The following ZC3H12B variants were observed in gnomAD, a reference collection of about 807,000 sequenced individuals.
The protein encoded by ZC3H12B is probable ribonuclease ZC3H12B.
Under a neutral mutation model 43.9 loss-of-function variants are expected in ZC3H12B, and 7 were observed. The observed-to-expected ratio is 0.16, with a 90% CI of 0.09 to 0.30. The LOEUF (loss-of-function observed/expected upper bound fraction) is 0.30, where lower values mean the gene tolerates loss of function less well. ZC3H12B is among the 10% of genes least tolerant of loss of function. The probability of loss-of-function intolerance (pLI) is 1.00; values close to 1 mark genes in which losing one functional copy is unlikely to be tolerated. For missense variants in ZC3H12B, 475 were observed against 670.2 expected, an observed-to-expected ratio of 0.71 and a Z score of 3.22; for synonymous variants, 222 against 241.7, an observed-to-expected ratio of 0.92 and a Z score of 0.76.
chrX:65,328,876 T>A, the ZC3H12B span, among the ~76,000 whole-genome samples: 1 of 109,350 alleles, frequency 9.1e-6, no homozygotes, highest in Non-Finnish European at 1.9e-5. Context: ...AAGGACAGGA[T>A]TTCATCATTT....
At chrX:65,379,050 C>T (rs1448115429) in intron 2 of ZC3H12B, among the ~76,000 whole-genome samples, 1 of 112,156 alleles carries the variant, frequency 8.9e-6, no homozygotes, top group East Asian at 2.8e-4. Context: ...CGCAATTGCC[C>T]AGGCTTGCTT....
the ZC3H12B span, among the ~76,000 whole-genome samples, chrX:65,347,854 A>G: frequency 8.9e-6 from 1 of 112,544 alleles, no homozygotes; most frequent in Non-Finnish European, 1.9e-5. Context: ...CATCAATGAT[A>G]GACTGGATTA....
chrX:65,189,050 G>C, the ZC3H12B span, among the ~76,000 whole-genome samples: 2 of 98,302 alleles, frequency 2.0e-5, no homozygotes, highest in South Asian at 5.0e-4. Flanking sequence ...TGCGGTGTTT[G>C]GTTTTTTGTT....
intron 3 of ZC3H12B, among the ~76,000 whole-genome samples, chrX:65,427,613 G>A (rs962904811): frequency 1.5e-4 from 17 of 111,195 alleles, no homozygotes; most frequent in African/African-American, 3.9e-4. Context: ...ACAGATAAGA[G>A]CCACCACACC....
At chrX:65,087,180 C>T in the ZC3H12B span, among the ~76,000 whole-genome samples, 1 of 110,913 alleles carries the variant, frequency 9.0e-6, no homozygotes, top group African/African-American at 3.3e-5. Flanking sequence ...CTCCCTTGGG[C>T]TCTGGCATAC....
intron 2 of ZC3H12B, among the ~76,000 whole-genome samples, chrX:65,382,214 G>T (rs909115545): frequency 9.1e-6 from 1 of 110,265 alleles, no homozygotes; most frequent in Admixed American, 9.7e-5. Flanking sequence ...TAAAATACTG[G>T]CAAACCGAAT....
the ZC3H12B span, among the ~76,000 whole-genome samples, chrX:65,120,978 T>C: frequency 1.3e-3 from 140 of 111,455 alleles, 1 homozygote; most frequent in Non-Finnish European, 2.2e-3. Context: ...GTTGAACCAG[T>C]CTTTCATCCC....
At chrX:65,117,730 A>T in the ZC3H12B span, among the ~76,000 whole-genome samples, 1 of 111,773 alleles carries the variant, frequency 8.9e-6, no homozygotes, top group African/African-American at 3.3e-5. Flanking sequence ...TCTTGAATTA[A>T]TTTTTGTATA....
chrX:65,161,024 T>C, the ZC3H12B span, among the ~76,000 whole-genome samples: 1 of 111,216 alleles, frequency 9.0e-6, no homozygotes, highest in Non-Finnish European at 1.9e-5. Flanking sequence ...ATGTACCCAG[T>C]AGTCATTCAG....
chrX:65,434,857 G>A (rs1017245614), intron 3 of ZC3H12B, among the ~76,000 whole-genome samples: 2 of 111,307 alleles, frequency 1.8e-5, no homozygotes, highest in Non-Finnish European at 3.8e-5. Flanking sequence ...CCCTCAGGCA[G>A]AGGTGGTAAG....
the ZC3H12B span, among the ~76,000 whole-genome samples, chrX:65,279,052 C>A: frequency 9.0e-6 from 1 of 110,638 alleles, no homozygotes; most frequent in Non-Finnish European, 1.9e-5. Flanking sequence ...CATTGATGGG[C>A]ATTTAGATTG....
the ZC3H12B span, among the ~76,000 whole-genome samples, chrX:65,037,801 T>C: frequency 2.7e-5 from 3 of 111,402 alleles, no homozygotes; most frequent in African/African-American, 6.5e-5. Flanking sequence ...CATTAGTATA[T>C]GATAACTTAG....
chrX:65,382,384 C>T, intron 2 of ZC3H12B, among the ~76,000 whole-genome samples: 1 of 110,723 alleles, frequency 9.0e-6, no homozygotes, highest in Non-Finnish European at 1.9e-5. Flanking sequence ...CAGAAAAGGC[C>T]TTTGACAAAA....
At chrX:65,341,352 G>A in the ZC3H12B span, among the ~76,000 whole-genome samples, 1 of 111,715 alleles carries the variant, frequency 9.0e-6, no homozygotes, top group Non-Finnish European at 1.9e-5. Flanking sequence ...TTAAAGAAAT[G>A]TAGAAAACCC....
At chrX:65,384,401 T>G (rs1056238033) in intron 2 of ZC3H12B, among the ~76,000 whole-genome samples, 2 of 111,156 alleles carry the variant, frequency 1.8e-5, no homozygotes, top group Non-Finnish European at 3.8e-5. Context: ...TTGGGAGATA[T>G]ACCTAATGCT....
chrX:65,333,767 C>A, the ZC3H12B span, among the ~76,000 whole-genome samples: 1 of 111,846 alleles, frequency 8.9e-6, no homozygotes, highest in African/African-American at 3.2e-5. Context: ...AGGACCAAAA[C>A]AAGTCAATTG....
chrX:65,106,216 G>A, the ZC3H12B span, among the ~76,000 whole-genome samples: 14 of 111,625 alleles, frequency 1.3e-4, no homozygotes, highest in Non-Finnish European at 2.5e-4. Flanking sequence ...AAATGCTATG[G>A]TCTCATGGGC....
At chrX:65,302,303 A>G in the ZC3H12B span, among the ~76,000 whole-genome samples, 2 of 111,826 alleles carry the variant, frequency 1.8e-5, no homozygotes, top group African/African-American at 6.5e-5. Context: ...TTGAACTAAA[A>G]AGCAATTATA....
chrX:65,489,281 G>C (rs376207428), exon 1 of ZC3H12B: 9 of 1,209,876 alleles, frequency 7.4e-6, no homozygotes, highest in Non-Finnish European at 1.0e-5. Context: ...AGATCAACTT[G>C]AGTCTGTTAG....
Sources: gnomAD v4.1 joint callset for allele counts (sites outside exome capture counted in the v4.1 genomes callset) on GRCh38, gnomAD v4.1.1 for gene constraint, MANE v1.5 for transcripts, NCBI Gene and HGNC (gene_info 2026-07-23, HGNC 2026-07-21) for gene names.